The following MYCBP2 variants were observed in gnomAD, a reference collection of about 807,000 sequenced individuals.
MYCBP2 encodes the protein MYC binding protein 2.
MYCBP2 carries 120 observed loss-of-function variants against 525.3 expected under a neutral mutation model. That is an observed-to-expected ratio of 0.23 (90% CI 0.20 to 0.27). The LOEUF (loss-of-function observed/expected upper bound fraction) is 0.27, where lower values mean the gene tolerates loss of function less well. Among genes scored for constraint, MYCBP2 ranks in the 10% least tolerant of loss-of-function variants. MYCBP2 has a pLI of 1.00. For missense variants in MYCBP2, 4,149 were observed against 5,657.1 expected, an observed-to-expected ratio of 0.73 and a Z score of 8.55; for synonymous variants, 1,894 against 1,955.8, an observed-to-expected ratio of 0.97 and a Z score of 0.83.
chr13:77,102,078 A>G (rs2154134082), intron 55 of MYCBP2, among the ~76,000 whole-genome samples: 1 of 152,066 alleles, frequency 6.6e-6, no homozygotes, highest in African/African-American at 2.4e-5. Context: ...CAAGCAAGTT[A>G]AATGTTACTA....
chr13:77,161,722 A>G (rs887922688), intron 44 of MYCBP2, among the ~76,000 whole-genome samples, 184 bp downstream of exon 44: 5 of 152,228 alleles, frequency 3.3e-5, no homozygotes, highest in Admixed American at 6.5e-5. Context: ...CCAAATACAT[A>G]GGGCTCACAT....
Position 77,181,791 on chromosome 13 carries a change from T to C in MYCBP2, c.4851A>G (p.Arg1617=). Residue 1617 remains arginine (R), a synonymous_variant, in exon 33 of 83, where the codon CGA becomes CGG. Transcript: ENST00000544440. Reference sequence around the variant, plus strand: ...CTGTACTAACTTGTTTAACAATTGATCGTAGTAATACTTCTCCATCATACG... The same window carrying C: ...CTGTACTAACTTGTTTAACAATTGACCGTAGTAATACTTCTCCATCATACG... The part of the protein sequence containing the change: ...PIAYDGEVLL[R]SIVKQVSTEN... 5 of 1,614,140 alleles carry C rather than the reference T, an allele frequency of 3.1e-6. No homozygotes were observed. The highest frequency in any genetic ancestry group is 2.2e-5 in the East Asian group (1 of 44,884).
chr13:77,206,267 T>A (rs1259150185), intron 24 of MYCBP2, among the ~76,000 whole-genome samples: 2 of 151,270 alleles, frequency 1.3e-5, no homozygotes. Context: ...CTGTGTTATA[T>A]AAGAAGAAAC....
intron 14 of MYCBP2, among the ~76,000 whole-genome samples, chr13:77,255,145 C>T (rs1442503792): frequency 1.3e-5 from 2 of 151,828 alleles, no homozygotes; most frequent in Non-Finnish European, 2.9e-5. Context: ...CATGTGGCAG[C>T]TCCATTTTCA....
chr13:77,188,728 G>A (rs1264224747), intron 30 of MYCBP2, among the ~76,000 whole-genome samples: 1 of 152,082 alleles, frequency 6.6e-6, no homozygotes, highest in African/African-American at 2.4e-5. Flanking sequence ...AAACAGCAAG[G>A]CCAATTCATC....
rs2046551971 is a variant in MYCBP2 at position 77,098,395 on chromosome 13, G to A, written c.8759C>T (p.Ser2920Phe). 3 of 1,613,464 alleles carry A rather than the reference G, an allele frequency of 1.9e-6. No individual in the cohort carries two copies. Among genetic ancestry groups the A allele is most frequent in the East Asian group, 2.2e-5 (1 of 44,876 alleles). The stretch of plus-strand genomic sequence containing the variant: ...GAGGTTTTCCTGTACCACATGGGGA[G>A]AGGGAGCTCTATTTTCAGATCCAGG... ...DSPGSENRAP[S>F]PHVVQENLHS... The change falls in exon 56 of 83, where the codon TCT becomes TTT. Residue 2920 changes from serine (S) to phenylalanine (F), a missense_variant. Ser to Phe is a radical substitution (Grantham distance 155, BLOSUM62 -2). Transcript: ENST00000544440.
intron 26 of MYCBP2, among the ~76,000 whole-genome samples, chr13:77,197,989 G>A (rs1437740728): frequency 6.6e-6 from 1 of 152,050 alleles, no homozygotes; most frequent in Non-Finnish European, 1.5e-5. Context: ...TGAAGATAAG[G>A]TCCACTACGT....
intron 1 of MYCBP2, among the ~76,000 whole-genome samples, chr13:77,305,733 G>C (rs2079334538): frequency 6.6e-6 from 1 of 151,944 alleles, no homozygotes; most frequent in African/African-American, 2.4e-5. Context: ...CATGTGGAAA[G>C]AATAAATACA....
chr13:77,103,691 GTTACTTATA>G (rs1017301467), intron 55 of MYCBP2, among the ~76,000 whole-genome samples: 4 of 151,918 alleles, frequency 2.6e-5, no homozygotes, highest in South Asian at 2.1e-4. Flanking sequence ...ATAAAGAAAT[GTTACTTATA>G]TTACTTATAT....
intron 1 of MYCBP2, among the ~76,000 whole-genome samples, chr13:77,317,903 C>G (rs1250131262): frequency 6.6e-6 from 1 of 152,108 alleles, no homozygotes; most frequent in East Asian, 1.9e-4. Context: ...CGCCATTGCA[C>G]TCCAGCTTGG....
In MYCBP2 at chr13:77,326,669, G is replaced by A; in HGVS notation, c.107C>T (p.Ala36Val). Residue 36 changes from alanine (A) to valine (V), a missense_variant, in exon 1 of 83, where the codon GCG becomes GTG. Physicochemically the swap from Ala to Val is moderately conservative, Grantham distance 64. This residue lies in a region of MYCBP2 where 413 missense variants were observed against 451.2 expected (regional missense o/e 0.92). Coordinates refer to ENST00000544440, the MANE Select transcript of MYCBP2 (RefSeq NM_015057.5). This position sits in a 1 kb window ranked among gnomAD's most constrained non-coding sequence, Gnocchi z 4.2. The stretch of plus-strand genomic sequence containing the variant: ...GCCGTCGGGAACCGGCATGAACAGC[G>A]CCCCCGGCGCCGGGGAGGAAGAGAA... Reference protein sequence around the residue: ...ATFSSSPAPGALFMPVPDGSV... With the variant: ...ATFSSSPAPGVLFMPVPDGSV... The A allele has an allele frequency of 6.8e-7, 1 of 1,473,652 alleles. No homozygotes were observed. The highest frequency in any genetic ancestry group is 2.7e-5 in the Admixed American group (1 of 37,226). 91.3% of individuals were successfully genotyped at this position (1,473,652 alleles called of 1,614,324 possible). A position where few individuals can be genotyped will look rare whatever the true frequency, so the allele number is the denominator to read the frequency against.
intron 4 of MYCBP2, among the ~76,000 whole-genome samples, chr13:77,278,008 T>C (rs962461301): frequency 2.0e-5 from 3 of 152,330 alleles, no homozygotes; most frequent in African/African-American, 7.2e-5. Context: ...GTCACTGATA[T>C]GAAAGGCAAG....
chr13:77,061,681 G>T lies in MYCBP2; in HGVS notation c.12884C>A (p.Thr4295Asn). The T allele has an allele frequency of 6.2e-7, 1 of 1,610,158 alleles. No individual in the cohort carries two copies. Reference protein sequence around the residue: ...CDRFLHLHRRTKTHQRQVFKE... With the variant: ...CDRFLHLHRRNKTHQRQVFKE... ...CTTCACCTGTCTTTGATGAGTTTTG[G>T]TTCTTCGATGAAGGTGAAGGAATCT... The change falls in exon 75 of 83, where the codon ACC (threonine) becomes AAC (asparagine). Residue 4295 changes from threonine to asparagine, a missense_variant. Around this residue, in one of 21 missense-constraint regions of MYCBP2, gnomAD observed 220 missense variants for 396.0 expected, o/e 0.56. Transcript: ENST00000544440.
intron 8 of MYCBP2, among the ~76,000 whole-genome samples, chr13:77,267,429 A>T (rs74623565): frequency 0.045 from 6,735 of 150,920 alleles, 196 homozygotes; most frequent in African/African-American, 0.073. Flanking sequence ...TAAATTAAAT[A>T]AAATTAAATT....
intron 18 of MYCBP2, among the ~76,000 whole-genome samples, chr13:77,227,485 C>T (rs1299211743): frequency 7.7e-4 from 11 of 14,216 alleles, no homozygotes; most frequent in African/African-American, 1.4e-3. Flanking sequence ...CACACATACA[C>T]ACACACACAC....
rs2154099964 is a variant in MYCBP2 at position 77,078,832 on chromosome 13, T to C, written c.11476A>G (p.Ile3826Val). The C allele has an allele frequency of 6.2e-7, 1 of 1,613,622 alleles. No homozygotes were observed. The highest frequency in any genetic ancestry group is 2.2e-5 in the East Asian group (1 of 44,862). The change falls in exon 66 of 83, where the codon ATA (isoleucine) becomes GTA (valine). Residue 3826 changes from isoleucine (I) to valine (V), a missense_variant. Ile to Val is a conservative substitution (Grantham distance 29). Coordinates refer to ENST00000544440, the MANE Select transcript of MYCBP2 (RefSeq NM_015057.5). ...TGKAVEDLCR[I>V]KQVDLDSRHI... ...GACAAAATTTCAATTACCTGCTTTA[T>C]TCTGCACAAATCTTCTACTGCTTTG...
Position 77,061,787 on chromosome 13 carries a change from T to C in MYCBP2, c.12778A>G (p.Met4260Val), listed in dbSNP as rs1169029346. Residue 4260 changes from methionine (M) to valine (V), a missense_variant, in exon 75 of 83, where the codon ATG (methionine) becomes GTG (valine). By Grantham distance (21) the Met-to-Val change is conservative. Around this residue, in one of 21 missense-constraint regions of MYCBP2, gnomAD observed 220 missense variants for 396.0 expected, o/e 0.56. Coordinates refer to ENST00000544440, the MANE Select transcript of MYCBP2 (RefSeq NM_015057.5). Reference sequence around the variant, plus strand: ...TCACCATCATCATGGTTATCACACATAGGCTAAAATAAGACATTTCCACGT... The same window carrying C: ...TCACCATCATCATGGTTATCACACACAGGCTAAAATAAGACATTTCCACGT... ...GKDGQQKQMP[M>V]CDNHDDGETA... The C allele has an allele frequency of 4.4e-6, 7 of 1,582,424 alleles. No individual in the cohort carries two copies. Among genetic ancestry groups the C allele is most frequent in the Middle Eastern group, 1.7e-4 (1 of 5,858 alleles).
rs1004319894 is a variant in MYCBP2 at position 77,158,108 on chromosome 13, A to G, written c.6599T>C (p.Val2200Ala). The part of the protein sequence containing the change: ...LEILEEAALQ[V>A]CKTHSGILGK... ...AAGAATTCCAGAATGGGTTTTGCAC[A>G]CCTGTTAAGTAAAAAAGAATATTTA... The change falls in exon 45 of 83, where the codon GTG becomes GCG. Residue 2200 changes from valine to alanine, a missense_variant and splice_region_variant. By Grantham distance (64) the Val-to-Ala change is moderately conservative (BLOSUM62 0). Coordinates refer to ENST00000544440, the MANE Select transcript of MYCBP2 (RefSeq NM_015057.5). 1.3e-6 allele frequency: 2 copies of G among 1,549,432 alleles called. No individual in the cohort carries two copies. The highest frequency in any genetic ancestry group is 8.7e-7 in the Non-Finnish European group (1 of 1,153,808).
Position 77,093,194 on chromosome 13 carries a change from T to C in MYCBP2, c.10338A>G (p.Pro3446=). 1 of 1,612,642 alleles carries C rather than the reference T, an allele frequency of 6.2e-7. No homozygotes were observed. Among genetic ancestry groups the C allele is most frequent in the Non-Finnish European group, 8.5e-7 (1 of 1,179,264 alleles). The change falls in exon 59 of 83, where the codon CCA becomes CCG. Residue 3446 remains proline (P), a synonymous_variant. Transcript: ENST00000544440. ...PDASPNVFEE[P]ESNMKSMPPS... is the part of the protein sequence containing the mutation. ...GTGGCATAGACTTCATATTGCTCTC[T>C]GGCTCTTCAAATACATTAGGACTTG... is the stretch of plus-strand genomic sequence containing the variant.
Sources: allele counts gnomAD v4.1 joint callset (sites outside exome capture counted in the v4.1 genomes callset), GRCh38; gene constraint gnomAD v4.1.1; regional missense constraint gnomAD v4.1.1; non-coding constraint Gnocchi (gnomAD v3.1); transcripts MANE v1.5; gene names NCBI Gene and HGNC (gene_info 2026-07-23, HGNC 2026-07-21).